Variants in PRR5L observed in about 807,000 individuals in gnomAD.
The protein encoded by PRR5L is proline-rich protein 5-like.
PRR5L carries 21 observed loss-of-function variants against 36.4 expected under a neutral mutation model. The ratio of observed to expected loss-of-function variants is 0.58; its 90% CI spans 0.41 to 0.83. PRR5L has a LOEUF of 0.83. Among genes scored for constraint, PRR5L ranks in the 40% least tolerant of loss-of-function variants. The pLI, the probability that PRR5L is intolerant of heterozygous loss-of-function variation, is 0.00. For synonymous variants in PRR5L, 188 were observed against 197.0 expected (o/e 0.95, Z 0.38); for missense variants, 381 against 473.3 (o/e 0.80, Z 1.81).
Position 36,460,146 on chromosome 11 carries a change from G to A in PRR5L, c.713-2196G>A, listed in dbSNP as rs1030049543. 6.6e-5 allele frequency among the ~76,000 whole-genome samples: 10 copies of A among 152,244 alleles called. No homozygotes were observed. The South Asian group carries it at 2.1e-3, about 32-fold the overall frequency. The stretch of plus-strand genomic sequence containing the variant: ...AGTTTTGCTTAAAAAGGGACAAAAT[G>A]CATATAATACTGTTGTTTATATTCT... On this transcript the variant is annotated intron_variant, in intron 8 of 8. Coordinates refer to ENST00000530639, the MANE Select transcript of PRR5L (RefSeq NM_001160167.2).
chr11:36,458,809 GT>G (rs1859118153), intron 8 of PRR5L, among the ~76,000 whole-genome samples: 1 of 152,222 alleles, frequency 6.6e-6, no homozygotes, highest in Non-Finnish European at 1.5e-5. Flanking sequence ...AAAGTGGGGT[GT>G]TCCCCCTCCT....
chr11:36,318,914 C>A lies in PRR5L; in HGVS notation c.-126+22476C>A, dbSNP rs530254663. ...AAGGAAGCTGTTCATGAGAGCTTGGCCTGATGAGAACTGATTTCCTTGACT... is the reference window on the plus strand; with the variant it reads ...AAGGAAGCTGTTCATGAGAGCTTGGACTGATGAGAACTGATTTCCTTGACT... On this transcript the variant is annotated intron_variant, in intron 1 of 8. Transcript: ENST00000530639. Among the ~76,000 whole-genome samples, 97 of 152,252 alleles carry A rather than the reference C, an allele frequency of 6.4e-4. 1 individual carries two copies. The highest frequency in any genetic ancestry group is 3.4e-3 in the Middle Eastern group (1 of 294).
intron 1 of PRR5L, among the ~76,000 whole-genome samples, chr11:36,400,219 G>C (rs1469164339): frequency 6.6e-6 from 1 of 152,222 alleles, no homozygotes; most frequent in African/African-American, 2.4e-5. Flanking sequence ...ATAGAAGAGT[G>C]CCTGCTGGTT....
chr11:36,319,763 G>C (rs936239929), intron 1 of PRR5L, among the ~76,000 whole-genome samples: 5 of 151,378 alleles, frequency 3.3e-5, no homozygotes, highest in Non-Finnish European at 7.4e-5. Context: ...AGTGTTATAG[G>C]TTCTTAGGTT....
chr11:36,424,857 T>C (rs552699277), intron 4 of PRR5L, among the ~76,000 whole-genome samples: 1 of 152,178 alleles, frequency 6.6e-6, no homozygotes, highest in South Asian at 2.1e-4. Context: ...GTCTTGCTCT[T>C]GTCACCCAGG....
intron 1 of PRR5L, among the ~76,000 whole-genome samples, chr11:36,393,462 C>G (rs1240083178): frequency 6.6e-6 from 1 of 152,118 alleles, no homozygotes; most frequent in Non-Finnish European, 1.5e-5. Flanking sequence ...GTTCTTGGCA[C>G]CTTTGTCAAA....
At chr11:36,343,750 G>A (rs753179298) in intron 1 of PRR5L, among the ~76,000 whole-genome samples, 9 of 152,238 alleles carry the variant, frequency 5.9e-5, no homozygotes, top group African/African-American at 2.2e-4. Flanking sequence ...CAATGACGCC[G>A]TGATGTAAAT....
intron 1 of PRR5L, among the ~76,000 whole-genome samples, chr11:36,348,810 A>G (rs764740953): frequency 6.6e-6 from 1 of 152,180 alleles, no homozygotes; most frequent in Non-Finnish European, 1.5e-5. Context: ...CTCCGCTACC[A>G]ATGTCTCTAC....
chr11:36,409,394 G>C (rs55727997), intron 3 of PRR5L, among the ~76,000 whole-genome samples: 121 of 152,292 alleles, frequency 7.9e-4, no homozygotes, highest in Middle Eastern at 3.4e-3. Flanking sequence ...TTGTTGGGAG[G>C]GGGGAGGTGG....
In PRR5L at chr11:36,360,320, A is replaced by G. The variant is rs115545261; in HGVS notation, c.-125-40677A>G. On this transcript the variant is annotated intron_variant, in intron 1 of 8. Coordinates refer to ENST00000530639, the MANE Select transcript of PRR5L (RefSeq NM_001160167.2). ...TCTATGTGCTAACCATCAGTTGCTA[A>G]CAGTATTTAATAAGCATAATTTTCT... Among the ~76,000 whole-genome samples the G allele has an allele frequency of 2.8e-3, 432 of 152,298 alleles. 5 individuals are homozygous for G. The highest frequency in any genetic ancestry group is 1.0e-2 in the African/African-American group (414 of 41,552).
At chr11:36,364,838 G>C (rs554261082) in intron 1 of PRR5L, among the ~76,000 whole-genome samples, 2 of 152,072 alleles carry the variant, frequency 1.3e-5, no homozygotes, top group Non-Finnish European at 2.9e-5. Flanking sequence ...GTGTGACGTC[G>C]GGCAATTTGA....
chr11:36,349,177 G>C (rs1313319230), intron 1 of PRR5L, among the ~76,000 whole-genome samples: 1 of 151,812 alleles, frequency 6.6e-6, no homozygotes, highest in Non-Finnish European at 1.5e-5. Context: ...CCCAGCACTT[G>C]GGAGGTTGAG....
intron 8 of PRR5L, 45 bp from the exon 9 acceptor site, chr11:36,462,297 A>C (rs753769477): frequency 6.8e-7 from 1 of 1,479,426 alleles, no homozygotes; most frequent in Non-Finnish European, 9.0e-7. Flanking sequence ...TTAAGCACCA[A>C]TACCCCCTCC....
At chr11:36,404,269 T>TG (rs1211350418) in intron 3 of PRR5L, among the ~76,000 whole-genome samples, 241 of 118,616 alleles carry the variant, frequency 2.0e-3, no homozygotes, top group Non-Finnish European at 1.5e-3. Context: ...CCATCAGGTC[T>TG]TTTTTTTTTT....
chr11:36,396,567 GACA>G (rs1381768249), intron 1 of PRR5L, among the ~76,000 whole-genome samples: 2 of 152,166 alleles, frequency 1.3e-5, no homozygotes, highest in African/African-American at 2.4e-5. Flanking sequence ...AAATAACTAC[GACA>G]ACATGATTTT....
intron 1 of PRR5L, among the ~76,000 whole-genome samples, chr11:36,334,543 A>G (rs1856750249): frequency 6.6e-6 from 1 of 151,948 alleles, no homozygotes; most frequent in Non-Finnish European, 1.5e-5. Context: ...CTCTATTTCA[A>G]TTTGCTTGTA....
intron 1 of PRR5L, among the ~76,000 whole-genome samples, chr11:36,353,877 T>C (rs1029327024): frequency 3.3e-5 from 5 of 152,216 alleles, no homozygotes; most frequent in Admixed American, 2.0e-4. Context: ...GGACCCCTGC[T>C]CCAGAGGGTT....
intron 3 of PRR5L, among the ~76,000 whole-genome samples, chr11:36,417,142 A>G (rs1262707562): frequency 1.3e-5 from 2 of 152,178 alleles, no homozygotes; most frequent in African/African-American, 4.8e-5. Flanking sequence ...TCAGAAGCAC[A>G]TTAGTCCCTC....
chr11:36,330,007 T>C (rs1358941813), intron 1 of PRR5L, among the ~76,000 whole-genome samples: 3 of 152,236 alleles, frequency 2.0e-5, no homozygotes, highest in Non-Finnish European at 1.5e-5. Flanking sequence ...GTCTCAAATA[T>C]GACAATTTAG....
Sources: allele counts gnomAD v4.1 joint callset (sites outside exome capture counted in the v4.1 genomes callset), GRCh38; gene constraint gnomAD v4.1.1; transcripts MANE v1.5; gene names NCBI Gene and HGNC (gene_info 2026-07-23, HGNC 2026-07-21).